The following PBX3 variants were observed in gnomAD, a reference collection of about 807,000 sequenced individuals.
The protein encoded by PBX3 is pre-B-cell leukemia transcription factor 3.
In PBX3, 14 loss-of-function variants were observed where a neutral mutation model predicts 48.5. The observed-to-expected ratio is 0.29, with a 90% CI of 0.19 to 0.45. PBX3 has a LOEUF of 0.45. Ranked by LOEUF, PBX3 falls within the 20% of genes least tolerant of loss-of-function variation. PBX3 has a pLI of 1.00. For synonymous variants in PBX3, 210 were observed against 200.3 expected (o/e 1.05, Z -0.41); for missense variants, 386 against 546.7 (o/e 0.71, Z 2.93).
intron 2 of PBX3, among the ~76,000 whole-genome samples, chr9:125,853,387 C>T (rs1839634183): frequency 6.6e-6 from 1 of 152,022 alleles, no homozygotes; most frequent in South Asian, 2.1e-4. Flanking sequence ...TACTGGACTT[C>T]TCTGAGACTT....
chr9:125,899,437 G>T (rs1337585902), intron 2 of PBX3, among the ~76,000 whole-genome samples: 1 of 77,780 alleles, frequency 1.3e-5, no homozygotes, highest in African/African-American at 5.5e-5. Flanking sequence ...CTATATATAT[G>T]TGTGTATATA....
intron 2 of PBX3, among the ~76,000 whole-genome samples, chr9:125,837,417 A>C (rs1839169676): frequency 1.3e-5 from 2 of 149,932 alleles, no homozygotes; most frequent in South Asian, 4.2e-4. Context: ...TATATATAAA[A>C]TATTTCCAGA....
intron 2 of PBX3, among the ~76,000 whole-genome samples, chr9:125,753,860 T>C (rs542569409): frequency 6.6e-6 from 1 of 152,272 alleles, no homozygotes; most frequent in South Asian, 2.1e-4. Flanking sequence ...ATTTTGCCTG[T>C]ATATTTCCAT....
chr9:125,772,252 T>A (rs1374766886), intron 2 of PBX3, among the ~76,000 whole-genome samples: 1 of 152,196 alleles, frequency 6.6e-6, no homozygotes, highest in Non-Finnish European at 1.5e-5. Flanking sequence ...AAAAATTTGC[T>A]TTTCTTTCCA....
At chr9:125,862,087 C>G (rs896481218) in intron 2 of PBX3, among the ~76,000 whole-genome samples, 9 of 152,088 alleles carry the variant, frequency 5.9e-5, no homozygotes, top group African/African-American at 1.9e-4. Context: ...ATCAGGATGC[C>G]TTTTACAGAC....
chr9:125,820,919 G>A (rs756681972), intron 2 of PBX3, among the ~76,000 whole-genome samples: 1 of 152,014 alleles, frequency 6.6e-6, no homozygotes, highest in Non-Finnish European at 1.5e-5. Context: ...AAGTAGTATT[G>A]CAAAAGGCAA....
rs940970217 is a variant in PBX3, at chr9:125,966,453, T to C, written c.*530T>C. The C allele has an allele frequency of 6.5e-6, 1 of 152,832 alleles. No homozygotes were observed. The highest frequency in any genetic ancestry group is 1.5e-5 in the Non-Finnish European group (1 of 68,150). The allele number at this position is 152,832 out of a possible 1,614,324, so 9.5% of individuals were successfully genotyped here. On this transcript the variant is annotated 3_prime_UTR_variant, in exon 9 of 9. Transcript: ENST00000373489. ...AGAATCTTCCTCGTCACGTTTGTGTTCAGATCTCTTATGTTATAATTAGAT... is the reference window on the plus strand; with the variant it reads ...AGAATCTTCCTCGTCACGTTTGTGTCCAGATCTCTTATGTTATAATTAGAT...
chr9:125,799,051 TG>T (rs1837864648), intron 2 of PBX3, among the ~76,000 whole-genome samples: 1 of 152,232 alleles, frequency 6.6e-6, no homozygotes, highest in South Asian at 2.1e-4. Flanking sequence ...CTGATGTTTT[TG>T]GGGTTGTCTG....
chr9:125,853,148 C>CT (rs928580564), intron 2 of PBX3, among the ~76,000 whole-genome samples: 1 of 152,114 alleles, frequency 6.6e-6, no homozygotes, highest in African/African-American at 2.4e-5. Flanking sequence ...CTTCAACCAT[C>CT]TTTTTCCACA....
At chr9:125,903,971 A>G (rs1841011290) in intron 2 of PBX3, among the ~76,000 whole-genome samples, 1 of 151,824 alleles carries the variant, frequency 6.6e-6, no homozygotes, top group South Asian at 2.1e-4. Context: ...GCTTAATAAT[A>G]GTACCTGCCT....
At chr9:125,898,187 A>ATT (rs1840818918) in intron 2 of PBX3, among the ~76,000 whole-genome samples, 1 of 151,686 alleles carries the variant, frequency 6.6e-6, no homozygotes, top group African/African-American at 2.4e-5. Context: ...TTAGAATAAA[A>ATT]TTTATCAGTT....
At position 125,748,605 on chromosome 9, in the gene PBX3, G is replaced by T; in HGVS notation, c.256G>T (p.Glu86Ter). 2 of 1,613,526 alleles carry T rather than the reference G, an allele frequency of 1.2e-6. No individual in the cohort carries two copies. Among genetic ancestry groups the T allele is most frequent in the South Asian group, 1.1e-5 (1 of 91,072 alleles). The change falls in exon 2 of 9, where the codon GAG becomes TAG. Residue 86 changes from glutamate (E) to a stop codon, truncating the protein, a stop_gained. Transcript: ENST00000373489. LOFTEE classifies it high-confidence loss of function. The part of the protein sequence containing the change: ...MKPALFSVLC[E>*]IKEKTGLSIR... Reference sequence around the variant, plus strand: ...ACCAGCGCTCTTCAGCGTCCTGTGTGAGATCAAAGAGAAAACAGGTAAGAC... The same window carrying T: ...ACCAGCGCTCTTCAGCGTCCTGTGTTAGATCAAAGAGAAAACAGGTAAGAC...
intron 2 of PBX3, among the ~76,000 whole-genome samples, chr9:125,809,629 A>G (rs1266389245): frequency 2.0e-5 from 3 of 152,186 alleles, no homozygotes; most frequent in Non-Finnish European, 2.9e-5. Flanking sequence ...GCAAAATGGA[A>G]TATCTGTGAC....
chr9:125,761,815 G>A (rs1258319451), intron 2 of PBX3, among the ~76,000 whole-genome samples: 1 of 152,130 alleles, frequency 6.6e-6, no homozygotes, highest in African/African-American at 2.4e-5. Flanking sequence ...CTGAAGTCTG[G>A]TAGTTATTAG....
chr9:125,839,310 G>C (rs1403281883), intron 2 of PBX3, among the ~76,000 whole-genome samples: 1 of 152,144 alleles, frequency 6.6e-6, no homozygotes, highest in Non-Finnish European at 1.5e-5. Flanking sequence ...ATTCATTGTT[G>C]TAGATTTGAG....
In PBX3 at chr9:125,915,938, G is replaced by T; in HGVS notation, c.516+11G>T. ...GAGAAATATGAACAGGTCAGCAGCCGCCACTCTCATAGTCCTACACAAACC... is the reference window on the plus strand; with the variant it reads ...GAGAAATATGAACAGGTCAGCAGCCTCCACTCTCATAGTCCTACACAAACC... On this transcript the variant is annotated intron_variant, in intron 3 of 8. Coordinates refer to ENST00000373489, the MANE Select transcript of PBX3 (RefSeq NM_006195.6). 1.2e-6 allele frequency: 2 copies of T among 1,611,538 alleles called. No individual in the cohort carries two copies. The highest frequency in any genetic ancestry group is 2.2e-5 in the South Asian group (2 of 90,862).
chr9:125,944,509 T>C (rs975608097), intron 5 of PBX3, among the ~76,000 whole-genome samples: 9 of 152,198 alleles, frequency 5.9e-5, no homozygotes, highest in African/African-American at 2.2e-4. Context: ...GATGTGTTAC[T>C]GACAGAATAT....
At chr9:125,763,763 C>G (rs896018798) in intron 2 of PBX3, among the ~76,000 whole-genome samples, 1 of 152,248 alleles carries the variant, frequency 6.6e-6, no homozygotes, top group East Asian at 1.9e-4. Context: ...CCTTTTACTC[C>G]ACTTTGATGG....
At chr9:125,786,255 C>T (rs1468118907) in intron 2 of PBX3, among the ~76,000 whole-genome samples, 11 of 152,154 alleles carry the variant, frequency 7.2e-5, no homozygotes, top group African/African-American at 1.9e-4. Context: ...ACTGAGATGT[C>T]ACCTGCTTAT....
Sources: allele counts gnomAD v4.1 joint callset (sites outside exome capture counted in the v4.1 genomes callset), GRCh38; gene constraint gnomAD v4.1.1; transcripts MANE v1.5; gene names NCBI Gene and HGNC (gene_info 2026-07-23, HGNC 2026-07-21).